The following GABPB2 variants were observed in gnomAD, a reference collection of about 807,000 sequenced individuals.
The protein encoded by GABPB2 is GA binding protein transcription factor subunit beta 2.
Under a neutral mutation model 39.1 loss-of-function variants are expected in GABPB2, and 23 were observed. The ratio of observed to expected loss-of-function variants is 0.59; its 90% CI spans 0.42 to 0.83. GABPB2 has a LOEUF of 0.83. Among genes scored for constraint, GABPB2 ranks in the 40% least tolerant of loss-of-function variants. The pLI, the probability that GABPB2 is intolerant of heterozygous loss-of-function variation, is 0.00. For missense variants in GABPB2, 467 were observed against 541.1 expected (o/e 0.86, Z 1.36); for synonymous variants, 184 against 199.3 (o/e 0.92, Z 0.65).
In GABPB2 at chr1:151,117,399, T is replaced by C; in HGVS notation, c.930T>C (p.Thr310=). Residue 310 remains threonine, a synonymous_variant, in exon 8 of 9, where the codon ACT becomes ACC. Coordinates refer to ENST00000368918, the MANE Select transcript of GABPB2 (RefSeq NM_144618.3). ...GTGTCCTTTGACTTGTAGTTCTAAC[T>C]GTACCTGCTGGTAAGGTTGCAGAGG... ...VTVQDGQQVL[T]VPAGKVAEET... 1 of 1,613,760 alleles carries C rather than the reference T, an allele frequency of 6.2e-7. No individual in the cohort carries two copies. Among genetic ancestry groups the C allele is most frequent in the Non-Finnish European group, 8.5e-7 (1 of 1,179,748 alleles).
At chr1:151,087,385 G>A (rs1352470567) in intron 1 of GABPB2, among the ~76,000 whole-genome samples, 1 of 151,648 alleles carries the variant, frequency 6.6e-6, no homozygotes, top group Non-Finnish European at 1.5e-5. Context: ...AGTGGCTCAC[G>A]CCTGTAATCC....
rs1678374825 is a variant in GABPB2 at position 151,088,285 on chromosome 1, C to T, written c.96C>T (p.Phe32=). 5.6e-6 allele frequency: 9 copies of T among 1,612,632 alleles called. No homozygotes were observed. In the East Asian group the frequency reaches 2.0e-4, roughly 36 times the overall value. ...CGTTGATGGCAAATGGCGCCCCATT[C>T]ACCACAGACTGGGTAAGCTTAGAGG... ...VRTLMANGAP[F]TTDWLGTSPL... Residue 32 remains phenylalanine (F), a synonymous_variant, in exon 2 of 9, where the codon TTC becomes TTT. Coordinates refer to ENST00000368918, the MANE Select transcript of GABPB2 (RefSeq NM_144618.3).
intron 1 of GABPB2, among the ~76,000 whole-genome samples, chr1:151,078,915 GC>G (rs950126754): frequency 3.3e-5 from 5 of 151,778 alleles, no homozygotes; most frequent in Admixed American, 3.3e-4. Context: ...CAAGTGACCC[GC>G]CTGCCTCTGC....
At chr1:151,092,326 A>G (rs993808588) in intron 3 of GABPB2, among the ~76,000 whole-genome samples, 1 of 151,278 alleles carries the variant, frequency 6.6e-6, no homozygotes, top group Non-Finnish European at 1.5e-5. Context: ...AGGATGGTCT[A>G]CATCCCTTGA....
Position 151,120,496 on chromosome 1 carries a change from G to A in GABPB2, c.*2240G>A, listed in dbSNP as rs1381572739. On this transcript the variant is annotated 3_prime_UTR_variant, in exon 9 of 9. Transcript: ENST00000368918. ...TTGCACTCCAACCTGGGCAACAAGA[G>A]TGAAACTCAATTAAAAAAAAAATAG... The A allele has an allele frequency of 5.3e-5, 8 of 151,958 alleles. No individual in the cohort carries two copies. Among genetic ancestry groups the A allele is most frequent in the Admixed American group, 2.0e-4 (3 of 15,228 alleles). 9.4% of individuals were successfully genotyped at this position (151,958 alleles called of 1,614,324 possible). A position where few individuals can be genotyped will look rare whatever the true frequency, so the allele number is the denominator to read the frequency against.
At chr1:151,080,228 A>C (rs1411950267) in intron 1 of GABPB2, among the ~76,000 whole-genome samples, 27 of 128,440 alleles carry the variant, frequency 2.1e-4, no homozygotes, top group East Asian at 6.5e-4. Flanking sequence ...AAAAAAAAAA[A>C]AAAAAAAAAA....
At chr1:151,103,284 C>T (rs587745511) in intron 5 of GABPB2, among the ~76,000 whole-genome samples, 96 of 151,154 alleles carry the variant, frequency 6.4e-4, no homozygotes, top group Admixed American at 1.5e-3. Context: ...CTCCTGACCT[C>T]GTGATCCACC....
intron 3 of GABPB2, among the ~76,000 whole-genome samples, chr1:151,091,162 A>G (rs1034965063): frequency 6.6e-6 from 1 of 150,500 alleles, no homozygotes; most frequent in African/African-American, 2.4e-5. Context: ...ATCTCTGCTC[A>G]CCACAACCTC....
rs374780925 is a variant in GABPB2 at position 151,074,906 on chromosome 1, C to A, written c.-1+3972C>A. ...AGTGGCTCACACCACTTTGGGAGGCCGAGGTGGGTGGATCACTTGAGGTCA... is the reference window on the plus strand; with the variant it reads ...AGTGGCTCACACCACTTTGGGAGGCAGAGGTGGGTGGATCACTTGAGGTCA... On this transcript the variant is annotated intron_variant, in intron 1 of 8. Transcript: ENST00000368918. Among the ~76,000 whole-genome samples, 67 of 152,128 alleles carry A rather than the reference C, an allele frequency of 4.4e-4. 1 individual carries two copies. Among genetic ancestry groups the A allele is most frequent in the African/African-American group, 1.4e-3 (57 of 41,490 alleles).
chr1:151,118,200 T>G lies in GABPB2; in HGVS notation c.1291T>G (p.Ser431Ala), dbSNP rs1440639997. ...AGAGAGAGAGACAAAAGTGACTGGG[T>G]CAGCAGGGACCACAGAGCCTCACAC... ...LEERETKVTG[S>A]AGTTEPHTRV... The change falls in exon 9 of 9, where the codon TCA becomes GCA. Residue 431 changes from serine (S) to alanine (A), a missense_variant. Ser to Ala is a moderately conservative substitution (Grantham distance 99). Coordinates refer to ENST00000368918, the MANE Select transcript of GABPB2 (RefSeq NM_144618.3). The G allele has an allele frequency of 6.2e-7, 1 of 1,614,038 alleles. No individual in the cohort carries two copies. The highest frequency in any genetic ancestry group is 8.5e-7 in the Non-Finnish European group (1 of 1,180,010).
intron 3 of GABPB2, among the ~76,000 whole-genome samples, chr1:151,090,862 G>A (rs1678621429): frequency 6.6e-6 from 1 of 151,728 alleles, no homozygotes. Context: ...GCAGGACGTG[G>A]TGGTGCGCGA....
At chr1:151,099,725 A>G (rs909172686) in intron 5 of GABPB2, among the ~76,000 whole-genome samples, 5 of 152,240 alleles carry the variant, frequency 3.3e-5, no homozygotes, top group African/African-American at 1.2e-4. Flanking sequence ...TGATATACAC[A>G]GAATTTTGGA....
intron 7 of GABPB2, 73 bp from the exon 8 acceptor site, chr1:151,117,319 A>T: frequency 6.7e-7 from 1 of 1,491,076 alleles, no homozygotes; most frequent in Non-Finnish European, 9.2e-7. Flanking sequence ...TTTATTTTCT[A>T]ATTAAAAGCA....
intron 7 of GABPB2, 142 bp from the exon 8 acceptor site, chr1:151,117,250 G>T (rs1050112884): frequency 6.4e-6 from 5 of 787,082 alleles, no homozygotes; most frequent in Middle Eastern, 7.3e-4. Flanking sequence ...CCAGTCAGCT[G>T]CCTGAGTAGC....
intron 7 of GABPB2, among the ~76,000 whole-genome samples, chr1:151,113,364 G>A (rs954947564): frequency 1.3e-5 from 2 of 151,814 alleles, no homozygotes; most frequent in South Asian, 2.1e-4. Flanking sequence ...TGCTACTCCG[G>A]AGGCTGAGTC....
At chr1:151,088,462 T>C (rs1288295202) in intron 2 of GABPB2, 165 bp downstream of exon 2, 14 of 1,373,298 alleles carry the variant, frequency 1.0e-5, no homozygotes, top group Non-Finnish European at 1.4e-5. Context: ...GTTTTCTTTT[T>C]CTTTTAGTTT....
At chr1:151,096,577 T>G (rs928285453) in intron 4 of GABPB2, among the ~76,000 whole-genome samples, 1 of 152,168 alleles carries the variant, frequency 6.6e-6, no homozygotes. Flanking sequence ...CTGGACTTTT[T>G]AAAGTAGTGA....
chr1:151,100,137 AAAC>A (rs1463272931), intron 5 of GABPB2, among the ~76,000 whole-genome samples: 1 of 151,634 alleles, frequency 6.6e-6, no homozygotes, highest in African/African-American at 2.4e-5. Flanking sequence ...ACACTGATTA[AAAC>A]AACTTTTTTT....
At chr1:151,081,500 AAAAG>A (rs1677688688) in intron 1 of GABPB2, among the ~76,000 whole-genome samples, 1 of 152,116 alleles carries the variant, frequency 6.6e-6, no homozygotes, top group Non-Finnish European at 1.5e-5. Context: ...TCAACCCCAA[AAAAG>A]AAACAAAGAA....
Sources: allele counts gnomAD v4.1 joint callset (sites outside exome capture counted in the v4.1 genomes callset), GRCh38; gene constraint gnomAD v4.1.1; transcripts MANE v1.5; gene names NCBI Gene and HGNC (gene_info 2026-07-23, HGNC 2026-07-21).